NTPCR: variants seen among roughly 807,000 people sequenced by gnomAD.
NTPCR encodes cancer-related nucleoside-triphosphatase.
A neutral mutation model predicts 19.5 loss-of-function variants in NTPCR; 15 were observed. That is an observed-to-expected ratio of 0.77 (90% CI 0.51 to 1.18). NTPCR has a LOEUF of 1.18. Among genes scored for constraint, NTPCR ranks in the 50% most tolerant of loss-of-function variants. The pLI is 0.00. For synonymous variants in NTPCR, 90 were observed against 95.8 expected (o/e 0.94, Z 0.36); for missense variants, 206 against 240.4 (o/e 0.86, Z 0.95).
At chr1:232,951,696 A>T (rs1668369291) in intron 1 of NTPCR, among the ~76,000 whole-genome samples, 2 of 152,072 alleles carry the variant, frequency 1.3e-5, no homozygotes, top group Non-Finnish European at 2.9e-5. Flanking sequence ...GATTATGTTT[A>T]GTTGTAAGTA....
intron 1 of NTPCR, among the ~76,000 whole-genome samples, chr1:232,953,190 C>T (rs1180790111): frequency 6.6e-6 from 1 of 152,174 alleles, no homozygotes; most frequent in Non-Finnish European, 1.5e-5. Context: ...GCCAGTCCAT[C>T]ATGTTGTCAC....
In NTPCR at chr1:232,956,378, C is replaced by G; in HGVS notation, c.229C>G (p.Arg77Gly). The G allele has an allele frequency of 6.2e-7, 1 of 1,613,830 alleles. No homozygotes were observed. The highest frequency in any genetic ancestry group is 1.1e-5 in the South Asian group (1 of 91,072). The change falls in exon 3 of 5, where the codon CGA (arginine) becomes GGA (glycine). Residue 77 changes from arginine to glycine, a missense_variant. By Grantham distance (125) the Arg-to-Gly change is moderately radical. Transcript: ENST00000366628. ...GCCTCCACCTGGAAAACGTGAATGC[C>G]GAGTTGGGCAGTATGTGGTCGACCT... ...LEPPPGKREC[R>G]VGQYVVDLTS... is the part of the protein sequence containing the mutation.
intron 3 of NTPCR, among the ~76,000 whole-genome samples, chr1:232,961,537 A>G (rs1046127885): frequency 3.3e-5 from 5 of 152,138 alleles, no homozygotes; most frequent in Non-Finnish European, 4.4e-5. Flanking sequence ...TGCTCTTCCC[A>G]TTTATTTTCT....
intron 2 of NTPCR, 143 bp from the exon 3 acceptor site, chr1:232,956,204 C>T (rs923217001): frequency 4.6e-6 from 3 of 657,998 alleles, no homozygotes; most frequent in Non-Finnish European, 5.5e-6. Context: ...ACCTGATCAG[C>T]TTTACAGACC....
chr1:232,975,853 A>C (rs1185334465), intron 4 of NTPCR, among the ~76,000 whole-genome samples: 1 of 152,120 alleles, frequency 6.6e-6, no homozygotes, highest in Non-Finnish European at 1.5e-5. Context: ...CCCTCTTCTA[A>C]TTAGCTTCTC....
rs1017149357 is a variant in NTPCR, at chr1:232,983,106, T to C, written c.*4875T>C. On this transcript the variant is annotated 3_prime_UTR_variant, in exon 5 of 5. Coordinates refer to ENST00000366628, the MANE Select transcript of NTPCR (RefSeq NM_032324.3). ...ATTAGAAAAGCATTACCATTTACTT[T>C]CCAAGGGGCAAGAGATTCTCTACAA... The C allele has an allele frequency of 1.2e-4, 18 of 152,232 alleles. No individual in the cohort carries two copies. The highest frequency in any genetic ancestry group is 4.4e-5 in the Non-Finnish European group (3 of 68,042). 9.4% of individuals were successfully genotyped at this position (152,232 alleles called of 1,614,324 possible). A position where few individuals can be genotyped will look rare whatever the true frequency, so the allele number is the denominator to read the frequency against.
chr1:232,970,454 G>A (rs1390646265), intron 4 of NTPCR, among the ~76,000 whole-genome samples: 3 of 152,152 alleles, frequency 2.0e-5, no homozygotes, highest in Admixed American at 6.5e-5. Flanking sequence ...ATTGAAAGGC[G>A]CCAGGTTGGG....
At chr1:232,956,647 T>G (rs1199901606) in intron 3 of NTPCR, among the ~76,000 whole-genome samples, 1 of 152,200 alleles carries the variant, frequency 6.6e-6, no homozygotes, top group East Asian at 1.9e-4. Flanking sequence ...TCAGTACATA[T>G]AAATATTTTA....
intron 3 of NTPCR, among the ~76,000 whole-genome samples, chr1:232,957,312 G>A (rs778404212): frequency 1.3e-5 from 2 of 152,090 alleles, no homozygotes; most frequent in African/African-American, 2.4e-5. Context: ...CACTAGAGAA[G>A]CCATGTGGGC....
At chr1:232,964,485 T>A (rs1456223495) in intron 3 of NTPCR, 2 of 152,218 alleles carry the variant, frequency 1.3e-5, no homozygotes, top group African/African-American at 4.8e-5. Flanking sequence ...CTCATCAGAT[T>A]TCCCCTAGCC....
intron 4 of NTPCR, among the ~76,000 whole-genome samples, chr1:232,977,708 C>T (rs947692658): frequency 6.6e-6 from 1 of 152,110 alleles, no homozygotes; most frequent in Non-Finnish European, 1.5e-5. Context: ...GGGTAGATGA[C>T]TGAGCATCCC....
chr1:232,976,444 C>T, intron 4 of NTPCR: 1 of 1,550,632 alleles, frequency 6.4e-7, no homozygotes, highest in Non-Finnish European at 8.7e-7. Flanking sequence ...GCAATCACTG[C>T]TGAACTCAGA....
At chr1:232,975,804 G>C (rs1485798800) in intron 4 of NTPCR, among the ~76,000 whole-genome samples, 1 of 152,186 alleles carries the variant, frequency 6.6e-6, no homozygotes, top group African/African-American at 2.4e-5. Context: ...TCTTTCTGCA[G>C]TCTTCTTTAT....
rs1202395670 is a variant in NTPCR, at chr1:232,982,329, T to C, written c.*4098T>C. 6 of 152,220 alleles carry C rather than the reference T, an allele frequency of 3.9e-5. No individual in the cohort carries two copies. Among genetic ancestry groups the C allele is most frequent in the Non-Finnish European group, 5.9e-5 (4 of 68,034 alleles). 9.4% of individuals were successfully genotyped at this position (152,220 alleles called of 1,614,324 possible). Reference sequence around the variant, plus strand: ...CTCCAATACTGCCACCTTTTCTCTGTGGGTGCAGTTGCCTGCGGATGTGTG... The same window carrying C: ...CTCCAATACTGCCACCTTTTCTCTGCGGGTGCAGTTGCCTGCGGATGTGTG... On this transcript the variant is annotated 3_prime_UTR_variant, in exon 5 of 5. Coordinates refer to ENST00000366628, the MANE Select transcript of NTPCR (RefSeq NM_032324.3).
At chr1:232,960,623 T>C (rs1348396353) in intron 3 of NTPCR, among the ~76,000 whole-genome samples, 1 of 152,098 alleles carries the variant, frequency 6.6e-6, no homozygotes, top group Non-Finnish European at 1.5e-5. Flanking sequence ...ATTACAGGCG[T>C]GAACCACTGT....
At chr1:232,950,813 T>A in intron 1 of NTPCR, 69 bp downstream of exon 1, 1 of 1,118,512 alleles carries the variant, frequency 8.9e-7, no homozygotes, top group South Asian at 1.5e-5. Context: ...CGGGCGACCT[T>A]GTGCTGTCGG....
chr1:232,973,173 TATC>T (rs1669030373), intron 4 of NTPCR, among the ~76,000 whole-genome samples: 1 of 152,202 alleles, frequency 6.6e-6, no homozygotes, highest in African/African-American at 2.4e-5. Context: ...TTAGTAATAT[TATC>T]TAGACTTATT....
In NTPCR at chr1:232,979,644, C is replaced by G. The variant is rs1319356809; in HGVS notation, c.*1413C>G. On this transcript the variant is annotated 3_prime_UTR_variant, in exon 5 of 5. Coordinates refer to ENST00000366628, the MANE Select transcript of NTPCR (RefSeq NM_032324.3). The surrounding 1 kb of genome is among the most constrained non-coding windows in gnomAD (Gnocchi z 5.3). ...TGGGCATCTCCTTCCACAGTCCCTG[C>G]CTGGCGGGGCTGTTCAGGGAGACTG... 2.6e-5 allele frequency: 4 copies of G among 152,282 alleles called. No individual in the cohort carries two copies. The highest frequency in any genetic ancestry group is 4.4e-5 in the Non-Finnish European group (3 of 68,100). The allele number at this position is 152,282 out of a possible 1,614,324, so 9.4% of individuals were successfully genotyped here. A position where few individuals can be genotyped will look rare whatever the true frequency, so the allele number is the denominator to read the frequency against.
At position 232,970,032 on chromosome 1, in the gene NTPCR, AT is replaced by A; in HGVS notation, c.419del (p.Ile140ThrfsTer16). ...RQTLSTPGTI[I>X]LGTIPVPKGK... ...GACGCTGTCTACCCCAGGGACTATA[AT>A]CCTTGGCACAATCCCAGTTCCTAAA... On this transcript the variant is annotated frameshift_variant, in exon 4 of 5. Transcript: ENST00000366628. LOFTEE classifies it high-confidence loss of function. 1 of 1,613,974 alleles carries A rather than the reference AT, an allele frequency of 6.2e-7. No individual in the cohort carries two copies. The highest frequency in any genetic ancestry group is 1.7e-5 in the Admixed American group (1 of 60,022).
Sources: gnomAD v4.1 joint callset for allele counts (sites outside exome capture counted in the v4.1 genomes callset) on GRCh38, gnomAD v4.1.1 for gene constraint, Gnocchi (gnomAD v3.1) non-coding constraint, MANE v1.5 for transcripts, NCBI Gene and HGNC (gene_info 2026-07-23, HGNC 2026-07-21) for gene names.